MCRIP2: variants seen among roughly 807,000 people sequenced by gnomAD.
MCRIP2 encodes the protein MAPK regulated co-repressor interacting protein 2.
Under a neutral mutation model 23.2 loss-of-function variants are expected in MCRIP2, and 21 were observed. That is an observed-to-expected ratio of 0.90 (90% CI 0.64 to 1.30). The LOEUF (loss-of-function observed/expected upper bound fraction) is 1.30. Among genes scored for constraint, MCRIP2 ranks in the 50% most tolerant of loss-of-function variants. The pLI, the probability that MCRIP2 is intolerant of heterozygous loss-of-function variation, is 0.00. For synonymous variants in MCRIP2, 121 were observed against 100.2 expected, an observed-to-expected ratio of 1.21 and a Z score of -1.24; for missense variants, 234 against 223.2, an observed-to-expected ratio of 1.05 and a Z score of -0.31.
At position 642,230 on chromosome 16, in the gene MCRIP2, G is replaced by C; in HGVS notation, c.163G>C (p.Gly55Arg). ...PRAQPFAQPP[G>R]PWPLSSPGPR... ...GGCGCAGCCCTTTGCGCAGCCGCCGGGACCCTGGCCCCTGTCGAGGTGAGA... is the reference window on the plus strand; with the variant it reads ...GGCGCAGCCCTTTGCGCAGCCGCCGCGACCCTGGCCCCTGTCGAGGTGAGA... Residue 55 changes from glycine (G) to arginine (R), a missense_variant, in exon 2 of 5, where the codon GGA becomes CGA. Physicochemically the swap from Gly to Arg is moderately radical, Grantham distance 125 (BLOSUM62 -2). Coordinates refer to ENST00000307650, the MANE Select transcript of MCRIP2 (RefSeq NM_138418.4). 1 of 1,239,088 alleles carries C rather than the reference G, an allele frequency of 8.1e-7. No individual in the cohort carries two copies. The highest frequency in any genetic ancestry group is 2.8e-5 in the South Asian group (1 of 35,788). 76.8% of individuals were successfully genotyped at this position (1,239,088 alleles called of 1,614,324 possible).
chr16:643,753 C>T (rs895006882), intron 2 of MCRIP2, among the ~76,000 whole-genome samples: 4 of 152,026 alleles, frequency 2.6e-5, no homozygotes, highest in East Asian at 1.9e-4. Context: ...AGGATGGGCT[C>T]GATCTCCTGA....
At chr16:644,120 T>A (rs2037417732) in intron 2 of MCRIP2, among the ~76,000 whole-genome samples, 1 of 151,424 alleles carries the variant, frequency 6.6e-6, no homozygotes, top group Non-Finnish European at 1.5e-5. Flanking sequence ...TTTGCTCTGT[T>A]GCCCAGGCTG....
At chr16:648,026 C>A (rs923331589) in intron 4 of MCRIP2, 94 bp from the exon 5 acceptor site, 2 of 1,336,562 alleles carry the variant, frequency 1.5e-6, no homozygotes, top group African/African-American at 1.4e-5. Context: ...CTGCCGCACT[C>A]GGAGTCCGGG....
At chr16:647,288 G>T in intron 2 of MCRIP2, 129 bp from the exon 3 acceptor site, 1 of 1,362,522 alleles carries the variant, frequency 7.3e-7, no homozygotes, top group East Asian at 2.4e-5. Context: ...TGCTCTCTCT[G>T]GTTCAGGAAG....
At position 647,778 on chromosome 16, in the gene MCRIP2, C is replaced by T. The variant is rs200227390; in HGVS notation, c.311-5C>T. 2.3e-4 allele frequency: 362 copies of T among 1,559,130 alleles called. No individual in the cohort carries two copies. In the East Asian group the frequency reaches 6.7e-3, roughly 29 times the overall value. On this transcript the variant is annotated splice_polypyrimidine_tract_variant and splice_region_variant and intron_variant, in intron 3 of 4. Transcript: ENST00000307650. Reference sequence around the variant, plus strand: ...TGGCTCAGCCCGACTGCCCTCCTCCCACAGCCTGGCAGCAGGTGCAACAGC... The same window carrying T: ...TGGCTCAGCCCGACTGCCCTCCTCCTACAGCCTGGCAGCAGGTGCAACAGC...
In MCRIP2 at chr16:647,090, G is replaced by T. The variant is rs745361534; in HGVS notation, c.183-327G>T. The T allele has an allele frequency of 3.4e-4, 116 of 341,878 alleles. No individual in the cohort carries two copies. In the Middle Eastern group the frequency reaches 4.8e-3, roughly 14 times the overall value. The allele number at this position is 341,878 out of a possible 1,614,324, so 21.2% of individuals were successfully genotyped here. ...TGATGGGATGCAGGTGGCAGCATGG[G>T]CACCTGCAAGACCCTCGGGGAGGGG... On this transcript the variant is annotated intron_variant, in intron 2 of 4. Transcript: ENST00000307650.
Position 642,032 on chromosome 16 carries a change from A to G in MCRIP2, c.41A>G (p.Gln14Arg). 1.5e-6 allele frequency: 2 copies of G among 1,320,712 alleles called. No homozygotes were observed. Among genetic ancestry groups the G allele is most frequent in the Non-Finnish European group, 9.6e-7 (1 of 1,037,900 alleles). 81.8% of individuals were successfully genotyped at this position (1,320,712 alleles called of 1,614,324 possible). The part of the protein sequence containing the change: ...ITKGPSKLVA[Q>R]RRTGPTQQQV... Reference sequence around the variant, plus strand: ...AAGGGGCCCAGCAAGCTGGTCGCGCAGCGCCGCACAGGTGCGCACGGGCCG... The same window carrying G: ...AAGGGGCCCAGCAAGCTGGTCGCGCGGCGCCGCACAGGTGCGCACGGGCCG... Residue 14 changes from glutamine to arginine, a missense_variant, in exon 1 of 5, where the codon CAG becomes CGG. Physicochemically the swap from Gln to Arg is conservative, Grantham distance 43 (BLOSUM62 1). Transcript: ENST00000307650.
chr16:647,830 G>A lies in MCRIP2; in HGVS notation c.358G>A (p.Gly120Ser). ...QQLDGGPAGE[G>S]GPRPVQYVER... is the part of the protein sequence containing the mutation. ...GCTGGATGGTGGCCCAGCCGGTGAGGGCGGGCCAAGGCCTGTGCAGTACGT... is the reference window on the plus strand; with the variant it reads ...GCTGGATGGTGGCCCAGCCGGTGAGAGCGGGCCAAGGCCTGTGCAGTACGT... Residue 120 changes from glycine (G) to serine (S), a missense_variant, in exon 4 of 5, where the codon GGC becomes AGC. Coordinates refer to ENST00000307650, the MANE Select transcript of MCRIP2 (RefSeq NM_138418.4). The A allele has an allele frequency of 6.3e-7, 1 of 1,578,224 alleles. No individual in the cohort carries two copies. Among genetic ancestry groups the A allele is most frequent in the Non-Finnish European group, 8.6e-7 (1 of 1,162,712 alleles).
rs556960361 is a variant in MCRIP2 at position 648,167 on chromosome 16, G to A, written c.460G>A (p.Ala154Thr). Reference protein sequence around the residue: ...LDEWWAQQFLARITSCS With the variant: ...LDEWWAQQFLTRITSCS Reference sequence around the variant, plus strand: ...CGAGTGGTGGGCGCAGCAGTTCCTGGCGAGAATCACCAGCTGTTCCTAGTG... The same window carrying A: ...CGAGTGGTGGGCGCAGCAGTTCCTGACGAGAATCACCAGCTGTTCCTAGTG... The change falls in exon 5 of 5, where the codon GCG becomes ACG. Residue 154 changes from alanine (A) to threonine (T), a missense_variant. Transcript: ENST00000307650. The A allele has an allele frequency of 6.2e-7, 1 of 1,611,168 alleles. No individual in the cohort carries two copies. Among genetic ancestry groups the A allele is most frequent in the Non-Finnish European group, 8.5e-7 (1 of 1,179,264 alleles).
Position 642,188 on chromosome 16 carries a change from A to ACCTCGCAGCCCCCGC in MCRIP2, c.122_136dup (p.Pro45_Arg46insProSerGlnProPro), listed in dbSNP as rs1490175887. 5 of 1,332,164 alleles carry ACCTCGCAGCCCCCGC rather than the reference A, an allele frequency of 3.8e-6. No homozygotes were observed. Among genetic ancestry groups the ACCTCGCAGCCCCCGC allele is most frequent in the Admixed American group, 3.1e-5 (1 of 32,152 alleles). The allele number at this position is 1,332,164 out of a possible 1,614,324, so 82.5% of individuals were successfully genotyped here. ...GAAATGCCGGCAGCCCGCGCCGCCGACCTCGCAGCCCCCGCGGGCGCAGCC... is the reference window on the plus strand; with the variant it reads ...GAAATGCCGGCAGCCCGCGCCGCCGACCTCGCAGCCCCCGCCCTCGCAGCCCCCGCGGGCGCAGCC... On this transcript the variant is annotated inframe_insertion, in exon 2 of 5. Transcript: ENST00000307650.
At chr16:643,672 G>A (rs1433013318) in intron 2 of MCRIP2, among the ~76,000 whole-genome samples, 2 of 150,068 alleles carry the variant, frequency 1.3e-5, no homozygotes, top group African/African-American at 4.9e-5. Context: ...AGTCTCTTCA[G>A]TAGCTGGGAC....
intron 2 of MCRIP2, chr16:647,215 G>C (rs1375712783): frequency 3.1e-6 from 2 of 636,242 alleles, no homozygotes; most frequent in African/African-American, 1.8e-5. Flanking sequence ...GCAGGTGTGA[G>C]CTGAGCTGCC....
At chr16:647,122 G>A (rs1315227408) in intron 2 of MCRIP2, 2 of 445,548 alleles carry the variant, frequency 4.5e-6, no homozygotes, top group Non-Finnish European at 8.1e-6. Flanking sequence ...GGGGTACTGA[G>A]TGGGGCCCGA....
At chr16:644,640 A>G (rs886823939) in intron 2 of MCRIP2, among the ~76,000 whole-genome samples, 1 of 151,834 alleles carries the variant, frequency 6.6e-6, no homozygotes, top group Non-Finnish European at 1.5e-5. Context: ...AGGTCTCACT[A>G]TGTGGCCCAG....
At chr16:647,726 T>C in intron 3 of MCRIP2, 57 bp from the exon 4 acceptor site, 1 of 1,518,686 alleles carries the variant, frequency 6.6e-7, no homozygotes, top group Middle Eastern at 1.7e-4. Context: ...CATCAGGCCC[T>C]GGGTGGGCGA....
chr16:642,074 A>G, intron 1 of MCRIP2, 31 bp downstream of exon 1: 1 of 1,319,256 alleles, frequency 7.6e-7, no homozygotes, highest in Non-Finnish European at 9.6e-7. Context: ...GGGAACGGGG[A>G]CGGGGCGGGG....
In MCRIP2 at chr16:647,392, A is replaced by C. The variant is rs772696198; in HGVS notation, c.183-25A>C. 1.9e-6 allele frequency: 3 copies of C among 1,611,308 alleles called. No homozygotes were observed. In the South Asian group the frequency reaches 3.3e-5, roughly 18 times the overall value. On this transcript the variant is annotated intron_variant, in intron 2 of 4. Coordinates refer to ENST00000307650, the MANE Select transcript of MCRIP2 (RefSeq NM_138418.4). The stretch of plus-strand genomic sequence containing the variant: ...ACCGCACCTGGGATGGGCACCAACC[A>C]TGTCCGTCTCCTCCCTTCCTGCAGT...
chr16:648,291 C>T lies in MCRIP2; in HGVS notation c.*101C>T, dbSNP rs1460252724. 4.3e-6 allele frequency: 5 copies of T among 1,172,532 alleles called. No individual in the cohort carries two copies. Among genetic ancestry groups the T allele is most frequent in the Non-Finnish European group, 6.1e-6 (5 of 813,542 alleles). The allele number at this position is 1,172,532 out of a possible 1,614,324, so 72.6% of individuals were successfully genotyped here. A position where few individuals can be genotyped will look rare whatever the true frequency, so the allele number is the denominator to read the frequency against. Reference sequence around the variant, plus strand: ...GCGCCTGGCTGGGTGCCGGCCACACCTGAAGTGCCAGCATTTGGACTTTTG... The same window carrying T: ...GCGCCTGGCTGGGTGCCGGCCACACTTGAAGTGCCAGCATTTGGACTTTTG... On this transcript the variant is annotated 3_prime_UTR_variant, in exon 5 of 5. Transcript: ENST00000307650.
Position 648,333 on chromosome 16 carries a change from G to A in MCRIP2, c.*143G>A. 3.5e-6 allele frequency: 3 copies of A among 860,554 alleles called. No homozygotes were observed. Among genetic ancestry groups the A allele is most frequent in the Non-Finnish European group, 5.5e-6 (3 of 546,714 alleles). The allele number at this position is 860,554 out of a possible 1,614,324, so 53.3% of individuals were successfully genotyped here. On this transcript the variant is annotated 3_prime_UTR_variant, in exon 5 of 5. Coordinates refer to ENST00000307650, the MANE Select transcript of MCRIP2 (RefSeq NM_138418.4). ...GGACTTTTGCACCTTTTTTTCCCTT[G>A]GCCCGGCTGTCCCAACCAAGCTGCC...
Sources: gnomAD v4.1 joint callset for allele counts (sites outside exome capture counted in the v4.1 genomes callset) on GRCh38, gnomAD v4.1.1 for gene constraint, MANE v1.5 for transcripts, NCBI Gene and HGNC (gene_info 2026-07-23, HGNC 2026-07-21) for gene names.